Variants in PTPRD observed in about 807,000 individuals in gnomAD.
The protein encoded by PTPRD is protein tyrosine phosphatase receptor type D.
PTPRD carries 34 observed loss-of-function variants against 214.5 expected under a neutral mutation model. The ratio of observed to expected loss-of-function variants is 0.16; its 90% CI spans 0.12 to 0.21. The LOEUF is 0.21. Among genes scored for constraint, PTPRD ranks in the 10% least tolerant of loss-of-function variants. The probability of loss-of-function intolerance (pLI) is 1.00; values close to 1 mark genes in which losing one functional copy is unlikely to be tolerated. For synonymous variants in PTPRD, 1,128 were observed against 845.7 expected (o/e 1.33, Z -5.79); for missense variants, 2,545 against 2,398.7 (o/e 1.06, Z -1.27).
At chr9:9,429,669 C>T (rs1157229995) in intron 8 of PTPRD, among the ~76,000 whole-genome samples, 2 of 152,036 alleles carry the variant, frequency 1.3e-5, no homozygotes, top group Non-Finnish European at 2.9e-5. Flanking sequence ...ACTGGCAAAC[C>T]GAATCCAGCA....
At chr9:8,741,523 C>A (rs2091915493) in intron 11 of PTPRD, among the ~76,000 whole-genome samples, 1 of 146,416 alleles carries the variant, frequency 6.8e-6, no homozygotes, top group Non-Finnish European at 1.5e-5. Flanking sequence ...CCACTTTCCA[C>A]TCAAACAGAA....
At chr9:10,433,771 T>C (rs1226887943) in intron 2 of PTPRD, among the ~76,000 whole-genome samples, 3 of 151,938 alleles carry the variant, frequency 2.0e-5, no homozygotes, top group African/African-American at 7.2e-5. Flanking sequence ...CATAAATATT[T>C]CTATTAAAGA....
chr9:9,456,134 CAT>C (rs1414146425), intron 8 of PTPRD, among the ~76,000 whole-genome samples: 2 of 151,800 alleles, frequency 1.3e-5, no homozygotes, highest in East Asian at 3.9e-4. Context: ...AAATCCAACA[CAT>C]AGAATATAAT....
intron 27 of PTPRD, among the ~76,000 whole-genome samples, chr9:8,487,269 C>T (rs1177305849): frequency 6.6e-6 from 1 of 152,088 alleles, no homozygotes; most frequent in African/African-American, 2.4e-5. Flanking sequence ...CCAATGAATA[C>T]ATAATTTATT....
intron 7 of PTPRD, among the ~76,000 whole-genome samples, chr9:9,623,910 G>T (rs533746899): frequency 2.0e-5 from 3 of 152,242 alleles, no homozygotes; most frequent in African/African-American, 7.2e-5. Context: ...AAATTTTGAG[G>T]AAGTGGCAAA....
At chr9:8,775,117 TG>T (rs2095417288) in intron 11 of PTPRD, among the ~76,000 whole-genome samples, 1 of 152,146 alleles carries the variant, frequency 6.6e-6, no homozygotes, top group Non-Finnish European at 1.5e-5. Context: ...GAATGAACTT[TG>T]AATCAATTAA....
At chr9:8,572,366 C>G (rs2091389003) in intron 14 of PTPRD, among the ~76,000 whole-genome samples, 1 of 151,950 alleles carries the variant, frequency 6.6e-6, no homozygotes. Context: ...GGTTTATGAT[C>G]CAAAGATAGA....
At chr9:9,398,986 A>G (rs1277680243) in intron 8 of PTPRD, among the ~76,000 whole-genome samples, 1 of 152,070 alleles carries the variant, frequency 6.6e-6, no homozygotes, top group East Asian at 1.9e-4. Flanking sequence ...TTACATACCC[A>G]CAATGTCTCA....
chr9:9,484,502 T>C (rs1416708142), intron 8 of PTPRD, among the ~76,000 whole-genome samples: 1 of 152,122 alleles, frequency 6.6e-6, no homozygotes, highest in Non-Finnish European at 1.5e-5. Context: ...ATGCAAACAG[T>C]CAAATTGCAT....
intron 5 of PTPRD, among the ~76,000 whole-genome samples, chr9:9,774,701 T>C (rs1249087493): frequency 2.0e-5 from 3 of 152,230 alleles, no homozygotes; most frequent in Admixed American, 2.0e-4. Flanking sequence ...GGCATTCATA[T>C]AGAAGCCTTG....
chr9:10,484,228 C>T (rs556198335), intron 2 of PTPRD, among the ~76,000 whole-genome samples: 5 of 152,102 alleles, frequency 3.3e-5, no homozygotes, highest in South Asian at 2.1e-4. Context: ...CTCACTTATA[C>T]GTGAGAGTTA....
chr9:10,486,082 G>C (rs1300041261), intron 2 of PTPRD, among the ~76,000 whole-genome samples: 1 of 151,772 alleles, frequency 6.6e-6, no homozygotes, highest in Non-Finnish European at 1.5e-5. Flanking sequence ...CTGGATATTG[G>C]ACCTTTATCA....
At chr9:8,945,551 T>C (rs60418082) in intron 11 of PTPRD, among the ~76,000 whole-genome samples, 24,316 of 152,012 alleles carry the variant, frequency 0.16, 2,180 homozygotes, top group Non-Finnish European at 0.2. Flanking sequence ...TCCTACAGAG[T>C]ATCTTTATGA....
At chr9:9,578,828 G>A (rs2089872218) in intron 7 of PTPRD, among the ~76,000 whole-genome samples, 1 of 152,000 alleles carries the variant, frequency 6.6e-6, no homozygotes, top group Non-Finnish European at 1.5e-5. Flanking sequence ...TGAACCTGAA[G>A]TTAACTAAAT....
intron 20 of PTPRD, among the ~76,000 whole-genome samples, chr9:8,518,677 T>A (rs1460956610): frequency 6.6e-6 from 1 of 152,216 alleles, no homozygotes; most frequent in African/African-American, 2.4e-5. Context: ...ATCCTCTACT[T>A]ATTAGCTAAG....
chr9:9,707,518 T>C (rs1300452756), intron 7 of PTPRD, among the ~76,000 whole-genome samples: 1 of 152,122 alleles, frequency 6.6e-6, no homozygotes. Context: ...TAAACAATGC[T>C]GGCATACTCA....
chr9:9,291,729 A>C (rs1313176424), intron 9 of PTPRD, among the ~76,000 whole-genome samples: 2 of 151,034 alleles, frequency 1.3e-5, no homozygotes, highest in South Asian at 2.1e-4. Flanking sequence ...TTTTTTTCAA[A>C]ATGTCAAAAC....
chr9:9,808,699 T>C (rs909358319), intron 5 of PTPRD, among the ~76,000 whole-genome samples: 1 of 152,132 alleles, frequency 6.6e-6, no homozygotes, highest in East Asian at 1.9e-4. Context: ...CTCTAAAAAT[T>C]ATTTACTATC....
intron 14 of PTPRD, among the ~76,000 whole-genome samples, chr9:8,584,617 T>C (rs1163677742): frequency 2.6e-5 from 4 of 152,202 alleles, no homozygotes; most frequent in African/African-American, 4.8e-5. Flanking sequence ...TTTAATTATG[T>C]ATTATTTTTC....
Sources: gnomAD v4.1 joint callset for allele counts (sites outside exome capture counted in the v4.1 genomes callset) on GRCh38, gnomAD v4.1.1 for gene constraint, MANE v1.5 for transcripts, NCBI Gene and HGNC (gene_info 2026-07-23, HGNC 2026-07-21) for gene names.